ATP9A: variants seen among roughly 807,000 people sequenced by gnomAD.
ATP9A encodes the protein probable phospholipid-transporting ATPase IIA.
ATP9A carries 52 observed loss-of-function variants against 144.1 expected under a neutral mutation model. That is an observed-to-expected ratio of 0.36 (90% CI 0.29 to 0.45). The LOEUF is 0.45. Among genes scored for constraint, ATP9A ranks in the 20% least tolerant of loss-of-function variants. ATP9A has a pLI of 1.00. For missense variants in ATP9A, 947 were observed against 1,392.7 expected (o/e 0.68, Z 5.09); for synonymous variants, 582 against 557.4 (o/e 1.04, Z -0.62).
intron 4 of ATP9A, among the ~76,000 whole-genome samples, chr20:51,707,094 G>A (rs1238972982): frequency 6.6e-6 from 1 of 152,132 alleles, no homozygotes; most frequent in African/African-American, 2.4e-5. Flanking sequence ...CATTCGACTT[G>A]ATGCTCTTTT....
intron 1 of ATP9A, among the ~76,000 whole-genome samples, chr20:51,750,103 C>T (rs1568846932): frequency 6.6e-6 from 1 of 152,078 alleles, no homozygotes; most frequent in Non-Finnish European, 1.5e-5. Flanking sequence ...TGCGGTGAGC[C>T]GAGATCGCAC....
rs1164510008 is a variant in ATP9A, at chr20:51,670,044, C to T, written c.1246G>A (p.Asp416Asn). 4.3e-6 allele frequency: 7 copies of T among 1,614,042 alleles called. No individual in the cohort carries two copies. The highest frequency in any genetic ancestry group is 2.2e-5 in the South Asian group (2 of 91,066). ...TGGCTTTGTACTTCGTCCATTGAGT[C>T]GAGGCCGTAGGCTACTGTTCCGAGA... ...LHLGTVAYGL[D>N]SMDEVQSHIF... is the part of the protein sequence containing the mutation. The change falls in exon 13 of 28, where the codon GAC becomes AAC. Residue 416 changes from aspartate to asparagine, a missense_variant. By Grantham distance (23) the Asp-to-Asn change is conservative. This residue lies in a region of ATP9A where 770 missense variants were observed against 1,047.9 expected (regional missense o/e 0.73). Transcript: ENST00000338821.
intron 9 of ATP9A, among the ~76,000 whole-genome samples, chr20:51,680,755 A>G (rs912443002): frequency 2.6e-5 from 4 of 152,162 alleles, no homozygotes; most frequent in African/African-American, 4.8e-5. Context: ...TGAGAACTAG[A>G]AGGAAATGGC....
chr20:51,655,361 G>A (rs549429057), intron 14 of ATP9A, among the ~76,000 whole-genome samples: 6 of 152,280 alleles, frequency 3.9e-5, no homozygotes, highest in South Asian at 4.1e-4. Flanking sequence ...AGATGGAGCC[G>A]GGAAGATCGT....
intron 1 of ATP9A, among the ~76,000 whole-genome samples, chr20:51,754,841 T>C (rs1432966589): frequency 6.7e-6 from 1 of 150,034 alleles, no homozygotes; most frequent in Non-Finnish European, 1.5e-5. Context: ...AAGCCGGGCA[T>C]GGTGGCCCAT....
chr20:51,643,699 T>C (rs1050539029), intron 14 of ATP9A, among the ~76,000 whole-genome samples: 8 of 152,168 alleles, frequency 5.3e-5, no homozygotes, highest in Admixed American at 2.0e-4. Context: ...AGATACCCAG[T>C]TGATGGTATT....
chr20:51,606,539 A>C (rs1260632230), intron 26 of ATP9A, among the ~76,000 whole-genome samples: 4 of 152,170 alleles, frequency 2.6e-5, no homozygotes, highest in African/African-American at 9.7e-5. Context: ...TCTACAAAAA[A>C]TACAAAAATT....
chr20:51,615,102 G>A (rs1342294761), intron 22 of ATP9A, among the ~76,000 whole-genome samples: 2 of 134,712 alleles, frequency 1.5e-5, no homozygotes, highest in Non-Finnish European at 3.1e-5. Context: ...GGGGCGGGGC[G>A]GGGGGTGGGG....
In ATP9A at chr20:51,725,534, T is replaced by C. The variant is rs777406983; in HGVS notation, c.327+285A>G. Reference sequence around the variant, plus strand: ...CCTCTGTGTTCCCAGAGTCTAGACTTGTGCCATATACAATAAACATACAAT... The same window carrying C: ...CCTCTGTGTTCCCAGAGTCTAGACTCGTGCCATATACAATAAACATACAAT... On this transcript the variant is annotated intron_variant, in intron 3 of 27. Coordinates refer to ENST00000338821, the MANE Select transcript of ATP9A (RefSeq NM_006045.3). 3.9e-4 allele frequency among the ~76,000 whole-genome samples: 60 copies of C among 152,220 alleles called. 1 individual carries two copies. Among genetic ancestry groups the C allele is most frequent in the South Asian group, 4.1e-4 (2 of 4,834 alleles).
At chr20:51,669,405 T>TA (rs1248799915) in intron 13 of ATP9A, among the ~76,000 whole-genome samples, 1 of 152,200 alleles carries the variant, frequency 6.6e-6, no homozygotes, top group Non-Finnish European at 1.5e-5. Context: ...TAGGAACAGA[T>TA]AAACTGCAAG....
intron 9 of ATP9A, among the ~76,000 whole-genome samples, chr20:51,685,084 A>C (rs1435092821): frequency 6.6e-6 from 1 of 152,004 alleles, no homozygotes. Context: ...TGCACAAATA[A>C]TTTTTCTAAA....
Position 51,599,717 on chromosome 20 carries a change from G to A in ATP9A, c.*1494C>T, listed in dbSNP as rs2077134012. The A allele has an allele frequency of 6.6e-6, 1 of 152,218 alleles. No individual in the cohort carries two copies. Among genetic ancestry groups the A allele is most frequent in the African/African-American group, 2.4e-5 (1 of 41,464 alleles). 9.4% of individuals were successfully genotyped at this position (152,218 alleles called of 1,614,324 possible). On this transcript the variant is annotated 3_prime_UTR_variant, in exon 28 of 28. Coordinates refer to ENST00000338821, the MANE Select transcript of ATP9A (RefSeq NM_006045.3). ...TCCAGCTCTCCAAGAGCAGGAGTTA[G>A]TAGGCATCAGAAACCAGGCTGTGAT...
intron 13 of ATP9A, among the ~76,000 whole-genome samples, chr20:51,665,321 C>T (rs1272757856): frequency 1.3e-5 from 2 of 152,236 alleles, no homozygotes; most frequent in African/African-American, 4.8e-5. Flanking sequence ...TTAGACAGTA[C>T]CAATGTTTGC....
intron 3 of ATP9A, among the ~76,000 whole-genome samples, chr20:51,718,789 T>A (rs2077674163): frequency 9.2e-6 from 1 of 109,130 alleles, no homozygotes; most frequent in African/African-American, 3.7e-5. Flanking sequence ...CATTCCAGCC[T>A]GGGCAACAGA....
At position 51,604,919 on chromosome 20, in the gene ATP9A, CCAT is replaced by C; in HGVS notation, c.2902_2904del (p.Met968del). On this transcript the variant is annotated inframe_deletion, in exon 27 of 28. Coordinates refer to ENST00000338821, the MANE Select transcript of ATP9A (RefSeq NM_006045.3). ...TGCCAGGTCTGGATGGTCAGCGCCA[CCAT>C]GAGCAGCTCGGTGAGGATCAGCGAG... 1 of 1,612,808 alleles carries C rather than the reference CCAT, an allele frequency of 6.2e-7. No homozygotes were observed.
intron 24 of ATP9A, among the ~76,000 whole-genome samples, chr20:51,609,797 A>G (rs1420960335): frequency 3.9e-5 from 6 of 152,090 alleles, no homozygotes; most frequent in Admixed American, 3.9e-4. Flanking sequence ...CAAACCTTCC[A>G]CCTTGCTCTC....
At position 51,717,308 on chromosome 20, in the gene ATP9A, T is replaced by C. The variant is rs117212922; in HGVS notation, c.328-4234A>G. On this transcript the variant is annotated intron_variant, in intron 3 of 27. Transcript: ENST00000338821. ...CTAGAAGACGTTTCAAAATGTCTTC[T>C]AGCCAAGAACTGAAAATTGACTCTC... is the stretch of plus-strand genomic sequence containing the variant. 5.8e-3 allele frequency among the ~76,000 whole-genome samples: 889 copies of C among 152,196 alleles called. 5 individuals carry two copies. The highest frequency in any genetic ancestry group is 8.3e-3 in the Non-Finnish European group (562 of 68,008).
intron 27 of ATP9A, 146 bp from the exon 28 acceptor site, chr20:51,601,493 A>G: frequency 2.4e-6 from 2 of 843,878 alleles, no homozygotes; most frequent in South Asian, 2.1e-5. Context: ...CTCTTTCTCC[A>G]TGGACTGTAA....
chr20:51,632,077 T>C (rs2077272220), intron 15 of ATP9A, among the ~76,000 whole-genome samples: 1 of 152,202 alleles, frequency 6.6e-6, no homozygotes, highest in Admixed American at 6.5e-5. Flanking sequence ...TTTCTTTTTC[T>C]TTATTTTTTT....
Sources: gnomAD v4.1 joint callset for allele counts (sites outside exome capture counted in the v4.1 genomes callset) on GRCh38, gnomAD v4.1.1 for gene constraint, gnomAD v4.1.1 regional missense constraint, MANE v1.5 for transcripts, NCBI Gene and HGNC (gene_info 2026-07-23, HGNC 2026-07-21) for gene names.